The following NIT1 variants were observed in gnomAD, a reference collection of about 807,000 sequenced individuals.
The protein encoded by NIT1 is nitrilase 1.
A neutral mutation model predicts 36.8 loss-of-function variants in NIT1; 30 were observed. The ratio of observed to expected loss-of-function variants is 0.82; its 90% CI spans 0.61 to 1.11. The LOEUF (loss-of-function observed/expected upper bound fraction) is 1.11, where lower values mean the gene tolerates loss of function less well. Ranked by LOEUF, NIT1 falls within the 50% of genes least tolerant of loss-of-function variation. The pLI, the probability that NIT1 is intolerant of heterozygous loss-of-function variation, is 0.00. For missense variants in NIT1, 438 were observed against 410.6 expected (o/e 1.07, Z -0.58); for synonymous variants, 151 against 155.6 (o/e 0.97, Z 0.22).
downstream of NIT1, chr1:161,123,252 A>C (rs375587444): frequency 6.9e-6 from 11 of 1,593,112 alleles, no homozygotes; most frequent in African/African-American, 1.3e-5. Flanking sequence ...AAGAAAACAC[A>C]GTAGGGTAAA....
At chr1:161,122,023 TTAAA>T, downstream of NIT1, 2 of 1,162,900 alleles carry the variant, frequency 1.7e-6, no homozygotes, top group Non-Finnish European at 2.4e-6. This position sits in a 1 kb window ranked among gnomAD's most constrained non-coding sequence, Gnocchi z 4.2. Context: ...GTCTTTTTCT[TTAAA>T]AAAAAAAAAA....
Position 161,120,952 on chromosome 1 carries a change from A to G in NIT1, c.*187A>G, listed in dbSNP as rs1655426083. ...TTTCACCTGAGCTTCACCTGAGGTC[A>G]GACTGCAGTTTCAGAAAGGTGGAAT... On this transcript the variant is annotated 3_prime_UTR_variant, in exon 7 of 7. Coordinates refer to ENST00000368009, the MANE Select transcript of NIT1 (RefSeq NM_005600.3). 26 of 1,422,522 alleles carry G rather than the reference A, an allele frequency of 1.8e-5. No individual in the cohort carries two copies. The highest frequency in any genetic ancestry group is 2.4e-5 in the Non-Finnish European group (26 of 1,092,424). 88.1% of individuals were successfully genotyped at this position (1,422,522 alleles called of 1,614,324 possible).
At chr1:161,119,066 C>A in intron 2 of NIT1, 68 bp from the exon 3 acceptor site, 1 of 1,577,578 alleles carries the variant, frequency 6.3e-7, no homozygotes, top group South Asian at 1.1e-5. Flanking sequence ...TCTCCACTTG[C>A]ACCCCTTAGC....
chr1:161,118,258 C>T (rs1655046355), intron 1 of NIT1, 80 bp downstream of exon 1: 28 of 1,612,040 alleles, frequency 1.7e-5, no homozygotes, highest in Non-Finnish European at 2.0e-5. Context: ...GATGCTGCCT[C>T]TGGGAGAGGC....
At chr1:161,119,668 T>C in intron 4 of NIT1, 56 bp downstream of exon 4, 1 of 1,279,082 alleles carries the variant, frequency 7.8e-7, no homozygotes, top group Non-Finnish European at 1.1e-6. Context: ...ACCTAGATTC[T>C]CCAGAATTGT....
At chr1:161,124,599 G>A (rs1655954888), downstream of NIT1, 2 of 1,447,132 alleles carry the variant, frequency 1.4e-6, no homozygotes, top group Admixed American at 2.8e-5. Context: ...CATATTCCCA[G>A]TTGCTAACAA....
chr1:161,121,193 C>T lies in NIT1; in HGVS notation c.*428C>T, dbSNP rs1404009778. On this transcript the variant is annotated 3_prime_UTR_variant, in exon 7 of 7. Transcript: ENST00000368009. ...CCTACCTAAATAAAAGTGCAACACT[C>T]AGTGCATGTCCCAGCCCCATTCTCC... 2.9e-6 allele frequency: 3 copies of T among 1,028,864 alleles called. No homozygotes were observed. The African/African-American group carries it at 5.2e-5, about 18-fold the overall frequency. The allele number at this position is 1,028,864 out of a possible 1,614,324, so 63.7% of individuals were successfully genotyped here.
At chr1:161,124,803 A>G (rs913167040), downstream of NIT1, 2 of 209,574 alleles carry the variant, frequency 9.5e-6, no homozygotes, top group Admixed American at 5.2e-5. Flanking sequence ...TCTACAAAAA[A>G]AGAAAAAATT....
chr1:161,119,517 G>A lies in NIT1; in HGVS notation c.362G>A (p.Gly121Glu), dbSNP rs1655190919. The A allele has an allele frequency of 5.0e-6, 8 of 1,614,148 alleles. No individual in the cohort carries two copies. Among genetic ancestry groups the A allele is most frequent in the Non-Finnish European group, 6.8e-6 (8 of 1,179,994 alleles). The change falls in exon 4 of 7, where the codon GGA (glycine) becomes GAA (glutamate). Residue 121 changes from glycine to glutamate, a missense_variant. By Grantham distance (98) the Gly-to-Glu change is moderately conservative. Transcript: ENST00000368009. ...GTGTCCCTTCCCCCCAGGGAATGTG[G>A]ACTCTGGCTGTCCTTGGGTGGTTTC... ...EEYTQLAREC[G>E]LWLSLGGFHE...
chr1:161,119,328 C>A lies in NIT1; in HGVS notation c.293C>A (p.Thr98Lys). 1 of 1,614,176 alleles carries A rather than the reference C, an allele frequency of 6.2e-7. No individual in the cohort carries two copies. Residue 98 changes from threonine to lysine, a missense_variant, in exon 3 of 7, where the codon ACG (threonine) becomes AAG (lysine). Coordinates refer to ENST00000368009, the MANE Select transcript of NIT1 (RefSeq NM_005600.3). ...FDFIARDPAE[T>K]LHLSEPLGGK... ...TTCATTGCACGGGACCCTGCAGAGA[C>A]GCTACACCTGTCTGAACCACTGGGT...
chr1:161,121,179 A>G lies in NIT1; in HGVS notation c.*414A>G. ...ATTCAACATGCCTCCCTACCTAAAT[A>G]AAAGTGCAACACTCAGTGCATGTCC... On this transcript the variant is annotated 3_prime_UTR_variant, in exon 7 of 7. Coordinates refer to ENST00000368009, the MANE Select transcript of NIT1 (RefSeq NM_005600.3). 9.6e-7 allele frequency: 1 copy of G among 1,041,218 alleles called. No individual in the cohort carries two copies. The highest frequency in any genetic ancestry group is 1.2e-6 in the Non-Finnish European group (1 of 862,508). 64.5% of individuals were successfully genotyped at this position (1,041,218 alleles called of 1,614,324 possible).
downstream of NIT1, chr1:161,124,523 C>T (rs148972875): frequency 8.6e-4 from 1,329 of 1,548,876 alleles, 2 homozygotes; most frequent in Middle Eastern, 1.6e-3. Flanking sequence ...CAATCCCCAC[C>T]GTACTGAAAG....
chr1:161,118,958 A>T (rs1655112383), intron 2 of NIT1, 77 bp downstream of exon 2: 1 of 1,332,134 alleles, frequency 7.5e-7, no homozygotes, highest in African/African-American at 1.4e-5. Flanking sequence ...GAGACACAGG[A>T]GTGTCAACTA....
At chr1:161,118,328 G>A (rs1191725688) in intron 1 of NIT1, 150 bp downstream of exon 1, 1 of 1,531,858 alleles carries the variant, frequency 6.5e-7, no homozygotes, top group African/African-American at 1.4e-5. Context: ...GCGCGGCTTG[G>A]GGCCTGGGTT....
chr1:161,118,703 C>T (rs974059837), intron 1 of NIT1, 83 bp from the exon 2 acceptor site: 4 of 1,466,738 alleles, frequency 2.7e-6, no homozygotes, highest in Middle Eastern at 3.4e-4. Context: ...TTCAGGCTCA[C>T]AGTATAAAGA....
intron 1 of NIT1, 176 bp downstream of exon 1, chr1:161,118,354 C>T (rs1655056785): frequency 4.6e-6 from 7 of 1,519,642 alleles, no homozygotes; most frequent in Admixed American, 2.0e-5. Context: ...GCCCCTTGCC[C>T]ACCAGGGAGG....
chr1:161,119,521 C>T lies in NIT1; in HGVS notation c.366C>T (p.Leu122=). Residue 122 remains leucine (L), a synonymous_variant, in exon 4 of 7, where the codon CTC becomes CTT. Transcript: ENST00000368009. The part of the protein sequence containing the change: ...EYTQLARECG[L]WLSLGGFHER... ...CCCTTCCCCCCAGGGAATGTGGACT[C>T]TGGCTGTCCTTGGGTGGTTTCCATG... The T allele has an allele frequency of 1.2e-6, 2 of 1,614,156 alleles. No homozygotes were observed. The highest frequency in any genetic ancestry group is 4.5e-5 in the East Asian group (2 of 44,882).
chr1:161,120,570 TGAG>T lies in NIT1; in HGVS notation c.790_792del (p.Glu264del), dbSNP rs1232431988. The T allele has an allele frequency of 3.7e-6, 6 of 1,614,008 alleles. No homozygotes were observed. The highest frequency in any genetic ancestry group is 1.7e-5 in the Admixed American group (1 of 60,002). ...CAGCAGCACAGTGTGGACGCCACCA[TGAG>T]AAGAGAGCAAGTTATGGCCACAGCA... On this transcript the variant is annotated inframe_deletion, in exon 7 of 7. Coordinates refer to ENST00000368009, the MANE Select transcript of NIT1 (RefSeq NM_005600.3).
At position 161,119,657 on chromosome 1, in the gene NIT1, T is replaced by TGCCTAA. The variant is rs767759601; in HGVS notation, c.457+45_457+46insGCCTAA. Reference sequence around the variant, plus strand: ...TAGCCTGCCTCTTCCCATGCTCTTCTACCTAGATTCTCCAGAATTGTTTCT... The same window carrying TGCCTAA: ...TAGCCTGCCTCTTCCCATGCTCTTCTGCCTAAACCTAGATTCTCCAGAATTGTTTCT... On this transcript the variant is annotated intron_variant, in intron 4 of 6. Coordinates refer to ENST00000368009, the MANE Select transcript of NIT1 (RefSeq NM_005600.3). 3.3e-6 allele frequency: 4 copies of TGCCTAA among 1,228,580 alleles called. No homozygotes were observed. The African/African-American group carries it at 6.3e-5, about 19-fold the overall frequency. The allele number at this position is 1,228,580 out of a possible 1,614,324, so 76.1% of individuals were successfully genotyped here. A position where few individuals can be genotyped will look rare whatever the true frequency, so the allele number is the denominator to read the frequency against.
Sources: gnomAD v4.1 joint callset for allele counts on GRCh38, gnomAD v4.1.1 for gene constraint, Gnocchi (gnomAD v3.1) non-coding constraint, MANE v1.5 for transcripts, NCBI Gene and HGNC (gene_info 2026-07-23, HGNC 2026-07-21) for gene names.